Variants in SAMD12 observed in about 807,000 individuals in gnomAD.
SAMD12 encodes sterile alpha motif domain-containing protein 12.
SAMD12 carries 9 observed loss-of-function variants against 15.0 expected under a neutral mutation model. That is an observed-to-expected ratio of 0.60 (90% confidence interval 0.36 to 1.05). The LOEUF is 1.05. Ranked by LOEUF, SAMD12 falls within the 50% of genes least tolerant of loss-of-function variation. The pLI is 0.01. For synonymous variants in SAMD12, 86 were observed against 90.1 expected, an observed-to-expected ratio of 0.96 and a Z score of 0.25; for missense variants, 230 against 234.2, an observed-to-expected ratio of 0.98 and a Z score of 0.12.
chr8:118,421,673 C>T (rs1308541427), intron 3 of SAMD12, among the ~76,000 whole-genome samples: 1 of 152,174 alleles, frequency 6.6e-6, no homozygotes, highest in Non-Finnish European at 1.5e-5. Flanking sequence ...TCCTGCTGCC[C>T]TAAATAGAAG....
intron 3 of SAMD12, among the ~76,000 whole-genome samples, chr8:118,393,419 T>A (rs1046852783): frequency 6.6e-6 from 1 of 151,790 alleles, no homozygotes; most frequent in African/African-American, 2.4e-5. Flanking sequence ...TTTTTTATTT[T>A]TTCGTAGAGA....
chr8:118,480,432 T>C (rs1165852046), intron 2 of SAMD12, among the ~76,000 whole-genome samples: 2 of 152,208 alleles, frequency 1.3e-5, no homozygotes, highest in African/African-American at 4.8e-5. Flanking sequence ...GATTATGTAA[T>C]TTCTGAATTT....
At chr8:118,229,097 G>A (rs191470427) in intron 4 of SAMD12, among the ~76,000 whole-genome samples, 1 of 152,192 alleles carries the variant, frequency 6.6e-6, no homozygotes, top group Non-Finnish European at 1.5e-5. Context: ...GAACGCAAAG[G>A]CATAAGAATG....
At chr8:118,320,672 T>TG (rs71569763) in intron 4 of SAMD12, among the ~76,000 whole-genome samples, 31,632 of 85,122 alleles carry the variant, frequency 0.37, 4,547 homozygotes, top group East Asian at 0.45. Flanking sequence ...TGTCGTGGGG[T>TG]GGGGGGGGTG....
intron 3 of SAMD12, among the ~76,000 whole-genome samples, chr8:118,427,611 T>G (rs1822270315): frequency 5.9e-5 from 6 of 101,938 alleles, no homozygotes; most frequent in Admixed American, 5.8e-4. Context: ...TCACTCACAT[T>G]GTGTGCACAG....
intron 4 of SAMD12, among the ~76,000 whole-genome samples, chr8:118,315,280 T>G (rs1815835581): frequency 6.6e-6 from 1 of 152,208 alleles, no homozygotes; most frequent in Non-Finnish European, 1.5e-5. Flanking sequence ...CATTCCTGTG[T>G]TCGAGTTTTA....
chr8:118,475,332 T>C (rs7835770), intron 2 of SAMD12, among the ~76,000 whole-genome samples: 3,373 of 152,254 alleles, frequency 0.022, 119 homozygotes, highest in African/African-American at 0.077. Context: ...ACACTGCCTC[T>C]CCTTCACCAT....
At chr8:118,154,609 C>T in the SAMD12 span, among the ~76,000 whole-genome samples, 6 of 152,158 alleles carry the variant, frequency 3.9e-5, no homozygotes, top group African/African-American at 1.4e-4. Flanking sequence ...TGTTCTTTCT[C>T]TTCCTGAGGT....
the SAMD12 span, among the ~76,000 whole-genome samples, chr8:118,139,471 G>T: frequency 6.6e-6 from 1 of 152,146 alleles, no homozygotes; most frequent in Non-Finnish European, 1.5e-5. Flanking sequence ...CCCTCTTCCT[G>T]CCTCAGCCTC....
intron 2 of SAMD12, among the ~76,000 whole-genome samples, chr8:118,498,491 C>G (rs7015005): frequency 0.27 from 41,423 of 152,124 alleles, 6,715 homozygotes; most frequent in African/African-American, 0.45. Context: ...AATCAGAATG[C>G]GAAATCACTG....
chr8:118,375,917 T>C (rs1444680332), downstream of SAMD12: 1 of 152,200 alleles, frequency 6.6e-6, no homozygotes, highest in African/African-American at 2.4e-5. Flanking sequence ...AAATGTAGCA[T>C]ACTATACGCA....
In SAMD12 at chr8:118,208,003, T is replaced by C. The variant is rs181630794; in HGVS notation, c.434-10271A>G. Among the ~76,000 whole-genome samples, 362 of 152,130 alleles carry C rather than the reference T, an allele frequency of 2.4e-3. 3 individuals are homozygous for C. Among genetic ancestry groups the C allele is most frequent in the African/African-American group, 8.3e-3 (346 of 41,522 alleles). ...CAAAGCTATGCAAGATAAAAATGTA[T>C]TAATGACACTTCGGGAGGCTGAGGC... On this transcript the variant is annotated intron_variant, in intron 4 of 4. Coordinates refer to the SAMD12 transcript ENST00000409003.
chr8:118,462,828 C>T (rs1033292944), intron 2 of SAMD12, among the ~76,000 whole-genome samples: 7 of 152,038 alleles, frequency 4.6e-5, no homozygotes, highest in Non-Finnish European at 8.8e-5. Flanking sequence ...GTGGGCCGGG[C>T]GCGGTGGCTC....
At chr8:118,177,856 G>C in the SAMD12 span, among the ~76,000 whole-genome samples, 16 of 152,236 alleles carry the variant, frequency 1.1e-4, no homozygotes, top group Non-Finnish European at 2.4e-4. Context: ...AGTTGGGCAA[G>C]TGTGTGGTAG....
chr8:118,512,207 TC>T (rs1825109337), intron 2 of SAMD12, among the ~76,000 whole-genome samples: 1 of 152,168 alleles, frequency 6.6e-6, no homozygotes, highest in Non-Finnish European at 1.5e-5. Flanking sequence ...TGGCGGAACT[TC>T]CAGGAAAGAG....
chr8:118,548,174 T>C (rs1826185693), intron 2 of SAMD12, among the ~76,000 whole-genome samples: 1 of 152,164 alleles, frequency 6.6e-6, no homozygotes, highest in Non-Finnish European at 1.5e-5. Flanking sequence ...GTGCTTTTGC[T>C]CTGACAACTG....
chr8:118,197,920 T>C (rs1175364725), intron 4 of SAMD12, among the ~76,000 whole-genome samples: 1 of 152,240 alleles, frequency 6.6e-6, no homozygotes, highest in Non-Finnish European at 1.5e-5. Flanking sequence ...AATTTTTTTT[T>C]CTACCATTTG....
At chr8:118,392,311 G>A (rs1586654282) in intron 3 of SAMD12, among the ~76,000 whole-genome samples, 1 of 152,102 alleles carries the variant, frequency 6.6e-6, no homozygotes, top group Non-Finnish European at 1.5e-5. Context: ...CACGCCTGTA[G>A]TCCCAGCTAC....
At chr8:118,423,052 C>T (rs959090281) in intron 3 of SAMD12, among the ~76,000 whole-genome samples, 19 of 152,086 alleles carry the variant, frequency 1.2e-4, no homozygotes, top group African/African-American at 4.6e-4. Context: ...TGGTAGTGTG[C>T]GCCTGTAGTC....
Sources: gnomAD v4.1 joint callset for allele counts (sites outside exome capture counted in the v4.1 genomes callset) on GRCh38, gnomAD v4.1.1 for gene constraint, MANE v1.5 for transcripts, NCBI Gene and HGNC (gene_info 2026-07-23, HGNC 2026-07-21) for gene names.